RBFOX1: variants seen among roughly 807,000 people sequenced by gnomAD.
RBFOX1 encodes the protein RNA binding fox-1 homolog 1, also known as RNA binding protein fox-1 homolog 1.
RBFOX1 carries 8 observed loss-of-function variants against 57.7 expected under a neutral mutation model. That is an observed-to-expected ratio of 0.14 (90% CI 0.08 to 0.25). The LOEUF (loss-of-function observed/expected upper bound fraction) is 0.25. Ranked by LOEUF, RBFOX1 falls within the 10% of genes least tolerant of loss-of-function variation. RBFOX1 has a pLI of 1.00. For synonymous variants in RBFOX1, 326 were observed against 222.4 expected (o/e 1.47, Z -4.15); for missense variants, 611 against 548.5 (o/e 1.11, Z -1.14).
At chr16:5,600,589 T>C (rs1452754056), downstream of RBFOX1, among the ~76,000 whole-genome samples, 1 of 152,014 alleles carries the variant, frequency 6.6e-6, no homozygotes, top group Non-Finnish European at 1.5e-5. Flanking sequence ...CAAGCTATAC[T>C]GACCCTTCGT....
intron 3 of RBFOX1, among the ~76,000 whole-genome samples, chr16:6,752,514 C>T (rs1046064982): frequency 2.0e-5 from 3 of 152,134 alleles, no homozygotes; most frequent in African/African-American, 2.4e-5. Flanking sequence ...TGTGTTCTTT[C>T]CATGTTTGTT....
intron 3 of RBFOX1, among the ~76,000 whole-genome samples, chr16:5,820,838 C>T (rs1490130603): frequency 1.3e-5 from 2 of 152,140 alleles, no homozygotes; most frequent in Admixed American, 1.3e-4. Flanking sequence ...ACAGCAATTT[C>T]TTAGAGGAAA....
At chr16:7,632,198 T>C (rs11859658) in intron 11 of RBFOX1, among the ~76,000 whole-genome samples, 61,486 of 152,056 alleles carry the variant, frequency 0.4, 13,012 homozygotes, top group East Asian at 0.76. Flanking sequence ...CGTGAGCCAC[T>C]GCCCCTGGCC....
At chr16:6,858,650 A>G (rs902889271) in intron 3 of RBFOX1, among the ~76,000 whole-genome samples, 3 of 152,154 alleles carry the variant, frequency 2.0e-5, no homozygotes, top group African/African-American at 7.2e-5. Flanking sequence ...GAGACATATC[A>G]CTAATCTCTA....
chr16:5,557,313 G>A (rs1242929092), intron 2 of RBFOX1, among the ~76,000 whole-genome samples: 1 of 147,802 alleles, frequency 6.8e-6, no homozygotes, highest in Admixed American at 6.9e-5. Flanking sequence ...AAAAATTTCT[G>A]AAAGGTTGTT....
chr16:5,747,189 T>C (rs1230049688), intron 3 of RBFOX1, among the ~76,000 whole-genome samples: 5 of 152,240 alleles, frequency 3.3e-5, no homozygotes, highest in East Asian at 1.9e-4. Flanking sequence ...ATTACATTTA[T>C]TGATTTGCAT....
chr16:7,342,213 T>A (rs557414486), intron 4 of RBFOX1, among the ~76,000 whole-genome samples: 35 of 152,298 alleles, frequency 2.3e-4, no homozygotes, highest in Admixed American at 1.0e-3. Context: ...CTTCCTCATC[T>A]GTAAAATGGG....
chr16:7,504,197 G>A (rs368319312), intron 4 of RBFOX1, among the ~76,000 whole-genome samples: 9 of 152,236 alleles, frequency 5.9e-5, no homozygotes, highest in African/African-American at 1.2e-4. Context: ...TATTATTTAT[G>A]AAATGAAGAT....
chr16:6,101,050 C>A (rs1464415136), intron 1 of RBFOX1, among the ~76,000 whole-genome samples: 1 of 152,194 alleles, frequency 6.6e-6, no homozygotes, highest in Non-Finnish European at 1.5e-5. Context: ...CCCAAGTCCA[C>A]CACTAGCTAG....
At chr16:7,142,779 C>G (rs923963714) in intron 4 of RBFOX1, among the ~76,000 whole-genome samples, 7 of 152,160 alleles carry the variant, frequency 4.6e-5, no homozygotes, top group Non-Finnish European at 1.0e-4. Context: ...TGCCTTACAC[C>G]GTTCTGAACA....
intron 2 of RBFOX1, among the ~76,000 whole-genome samples, chr16:6,358,268 T>C (rs2087751582): frequency 6.6e-6 from 1 of 152,214 alleles, no homozygotes; most frequent in South Asian, 2.1e-4. Context: ...GTTTCTGGCA[T>C]CATGTAATTT....
chr16:6,511,028 T>C (rs1462515448), intron 2 of RBFOX1, among the ~76,000 whole-genome samples: 1 of 152,030 alleles, frequency 6.6e-6, no homozygotes, highest in African/African-American at 2.4e-5. Context: ...TTCTGAGGGG[T>C]GTATGTTTAA....
chr16:7,004,781 G>C (rs896478974), intron 3 of RBFOX1, among the ~76,000 whole-genome samples: 1 of 152,184 alleles, frequency 6.6e-6, no homozygotes, highest in Non-Finnish European at 1.5e-5. Flanking sequence ...ACCAGATTAA[G>C]ATAACCTAAT....
At chr16:7,493,864 CATT>C (rs1177991326) in intron 4 of RBFOX1, among the ~76,000 whole-genome samples, 2 of 152,206 alleles carry the variant, frequency 1.3e-5, no homozygotes, top group East Asian at 3.9e-4. Context: ...ATAAAATCAT[CATT>C]ATCATTGTCA....
intron 4 of RBFOX1, among the ~76,000 whole-genome samples, chr16:5,919,112 G>C (rs1205420875): frequency 6.6e-6 from 1 of 152,164 alleles, no homozygotes; most frequent in African/African-American, 2.4e-5. Flanking sequence ...TAGGTACCTG[G>C]AAAATTGGTT....
chr16:6,579,909 A>G (rs1246698563), intron 2 of RBFOX1, among the ~76,000 whole-genome samples: 1 of 152,052 alleles, frequency 6.6e-6, no homozygotes, highest in African/African-American at 2.4e-5. Flanking sequence ...AAAGTGGTAT[A>G]CATATTCTAT....
chr16:5,715,670 G>C (rs1425714581), intron 3 of RBFOX1, among the ~76,000 whole-genome samples: 1 of 152,182 alleles, frequency 6.6e-6, no homozygotes, highest in Admixed American at 6.5e-5. Context: ...CTAAAGGCTT[G>C]CCTTCTCCAT....
intron 4 of RBFOX1, among the ~76,000 whole-genome samples, chr16:5,993,824 A>T (rs190667767): frequency 6.6e-6 from 1 of 152,156 alleles, no homozygotes; most frequent in South Asian, 2.1e-4. Flanking sequence ...CGTTTAAGTT[A>T]AATACTGTGC....
intron 4 of RBFOX1, among the ~76,000 whole-genome samples, chr16:7,291,955 AATATATAATATATTTT>A (rs2095787101): frequency 9.4e-6 from 1 of 106,774 alleles, no homozygotes; most frequent in Admixed American, 1.1e-4. Flanking sequence ...TTATGTATAT[AATATATAATATATTTT>A]ATATATAATA....
Sources: gnomAD v4.1 joint callset for allele counts (sites outside exome capture counted in the v4.1 genomes callset) on GRCh38, gnomAD v4.1.1 for gene constraint, MANE v1.5 for transcripts, NCBI Gene and HGNC (gene_info 2026-07-23, HGNC 2026-07-21) for gene names.